Variants in ZNF69 observed in about 807,000 individuals in gnomAD.
The protein encoded by ZNF69 is ZNF3.
Under a neutral mutation model 50.9 loss-of-function variants are expected in ZNF69, and 47 were observed. The observed-to-expected ratio is 0.92, with a 90% CI of 0.73 to 1.18. ZNF69 has a LOEUF of 1.18. Among genes scored for constraint, ZNF69 ranks in the 50% most tolerant of loss-of-function variants. ZNF69 has a pLI of 0.00. For synonymous variants in ZNF69, 216 were observed against 223.1 expected, an observed-to-expected ratio of 0.97 and a Z score of 0.29; for missense variants, 717 against 675.1, an observed-to-expected ratio of 1.06 and a Z score of -0.69.
Position 11,903,577 on chromosome 19 carries a change from C to T in ZNF69, c.68C>T (p.Pro23Leu), listed in dbSNP as rs777152252. The change falls in exon 2 of 4, where the codon CCA (proline) becomes CTA (leucine). Residue 23 changes from proline to leucine, a missense_variant. Transcript: ENST00000429654. ...TACACATGTGAGATGTTTCAGGACC[C>T]AGTGGCCTTTGATGATGTTGCTGTG... ...PGTSESQEMD[P>L]VAFDDVAVNF... is the part of the protein sequence containing the mutation. The T allele has an allele frequency of 6.2e-7, 1 of 1,614,096 alleles. No individual in the cohort carries two copies. The highest frequency in any genetic ancestry group is 1.1e-5 in the South Asian group (1 of 91,086).
At chr19:11,976,277 A>G in the ZNF69 span, among the ~76,000 whole-genome samples, 1 of 151,730 alleles carries the variant, frequency 6.6e-6, no homozygotes, top group Non-Finnish European at 1.5e-5. Context: ...ACAGACCCAC[A>G]GTTCAAAGAG....
the ZNF69 span, among the ~76,000 whole-genome samples, chr19:11,951,355 A>T: frequency 6.6e-6 from 1 of 150,636 alleles, no homozygotes; most frequent in Non-Finnish European, 1.5e-5. Context: ...CAGCCTCCTG[A>T]GTAGCTGGGA....
chr19:11,951,790 A>C, the ZNF69 span, among the ~76,000 whole-genome samples: 13 of 152,348 alleles, frequency 8.5e-5, no homozygotes, highest in Non-Finnish European at 1.9e-4. Context: ...TAGTTATAAA[A>C]TATTCTCTTT....
intron 2 of ZNF69, 101 bp from the exon 3 acceptor site, chr19:11,903,804 A>G: frequency 6.2e-7 from 1 of 1,603,328 alleles, no homozygotes. Flanking sequence ...ACTTTGATGA[A>G]TAAATGAGGT....
At chr19:11,891,427 AGAAG>A (rs1489082956) in intron 1 of ZNF69, among the ~76,000 whole-genome samples, 3 of 151,242 alleles carry the variant, frequency 2.0e-5, no homozygotes, top group Non-Finnish European at 3.0e-5. Context: ...GAAGGAAGGA[AGAAG>A]GAAGGAAGGA....
the ZNF69 span, among the ~76,000 whole-genome samples, chr19:11,932,188 C>G: frequency 2.1e-5 from 3 of 145,814 alleles, 1 homozygote; most frequent in Non-Finnish European, 4.4e-5. Context: ...CTTGTCTATA[C>G]AAAAACTTAC....
the ZNF69 span, among the ~76,000 whole-genome samples, chr19:11,955,162 G>T: frequency 6.6e-6 from 1 of 151,492 alleles, no homozygotes; most frequent in Non-Finnish European, 1.5e-5. Context: ...ATACCACCAT[G>T]CCTGGCTAAT....
chr19:11,924,642 T>C, the ZNF69 span, among the ~76,000 whole-genome samples: 5 of 151,990 alleles, frequency 3.3e-5, no homozygotes, highest in Non-Finnish European at 5.9e-5. Flanking sequence ...GATGGGGGTG[T>C]GTGAGCAAGG....
the ZNF69 span, among the ~76,000 whole-genome samples, chr19:11,940,758 G>A: frequency 1.5e-3 from 232 of 152,196 alleles, no homozygotes; most frequent in African/African-American, 5.3e-3. Flanking sequence ...TGGTATAGCC[G>A]AGTGGTCTGT....
At chr19:11,951,949 C>T in the ZNF69 span, among the ~76,000 whole-genome samples, 9 of 152,078 alleles carry the variant, frequency 5.9e-5, no homozygotes, top group African/African-American at 1.4e-4. Flanking sequence ...CTGAGGCAGG[C>T]GGATCACCTG....
intron 1 of ZNF69, among the ~76,000 whole-genome samples, chr19:11,890,749 C>T (rs1190101042): frequency 6.6e-6 from 1 of 152,144 alleles, no homozygotes; most frequent in East Asian, 1.9e-4. Context: ...TGTGAGCCAC[C>T]TCGCCAGGCC....
chr19:11,957,706 G>T, the ZNF69 span, among the ~76,000 whole-genome samples: 3 of 151,854 alleles, frequency 2.0e-5, 1 homozygote, highest in South Asian at 6.2e-4. Context: ...TTAGCTGGGT[G>T]TGGTGGCACA....
intron 4 of ZNF69, chr19:11,913,394 T>TC: frequency 2.9e-6 from 1 of 344,134 alleles, no homozygotes; most frequent in Non-Finnish European, 5.0e-6. Flanking sequence ...TTTTCTTATC[T>TC]TTTTTTTTTT....
chr19:11,909,354 G>A (rs572007721), downstream of ZNF69, among the ~76,000 whole-genome samples: 1 of 152,130 alleles, frequency 6.6e-6, no homozygotes, highest in Non-Finnish European at 1.5e-5. Context: ...CCAAAGCCTG[G>A]CAGAGACACA....
chr19:11,940,463 T>C, the ZNF69 span, among the ~76,000 whole-genome samples: 4 of 151,986 alleles, frequency 2.6e-5, no homozygotes, highest in Admixed American at 2.6e-4. Context: ...CAGACCTTCG[T>C]GGTGAGTGTT....
At chr19:11,927,350 A>G in the ZNF69 span, among the ~76,000 whole-genome samples, 3 of 151,892 alleles carry the variant, frequency 2.0e-5, no homozygotes, top group Non-Finnish European at 2.9e-5. Context: ...GTGAGACCCC[A>G]TCTCAAAAAC....
the ZNF69 span, among the ~76,000 whole-genome samples, chr19:11,963,225 G>T: frequency 3.3e-5 from 5 of 152,060 alleles, no homozygotes; most frequent in African/African-American, 1.2e-4. Context: ...GACTAGCTGA[G>T]ACTATAGGTA....
chr19:11,976,642 G>A, the ZNF69 span, among the ~76,000 whole-genome samples: 36 of 151,760 alleles, frequency 2.4e-4, no homozygotes, highest in South Asian at 2.1e-4. Context: ...CGAGGCTGGC[G>A]GATCACCTGA....
chr19:11,942,433 C>T, the ZNF69 span, among the ~76,000 whole-genome samples: 1 of 152,060 alleles, frequency 6.6e-6, no homozygotes, highest in Non-Finnish European at 1.5e-5. Flanking sequence ...AGGGACAGCC[C>T]AGGCAGCTCG....
Sources: allele counts gnomAD v4.1 joint callset (sites outside exome capture counted in the v4.1 genomes callset), GRCh38; gene constraint gnomAD v4.1.1; transcripts MANE v1.5; gene names NCBI Gene and HGNC (gene_info 2026-07-23, HGNC 2026-07-21).